The following BMP2K variants were observed in gnomAD, a reference collection of about 807,000 sequenced individuals.
BMP2K encodes BMP-2-inducible protein kinase.
In BMP2K, 74 loss-of-function variants were observed where a neutral mutation model predicts 116.0. That is an observed-to-expected ratio of 0.64 (90% confidence interval 0.53 to 0.77). BMP2K has a LOEUF of 0.77. Among genes scored for constraint, BMP2K ranks in the 30% least tolerant of loss-of-function variants. The pLI is 0.00. For synonymous variants in BMP2K, 486 were observed against 502.5 expected (o/e 0.97, Z 0.44); for missense variants, 1,365 against 1,403.6 (o/e 0.97, Z 0.44).
At chr4:78,886,235 G>A (rs990739083) in intron 14 of BMP2K, among the ~76,000 whole-genome samples, 1 of 152,120 alleles carries the variant, frequency 6.6e-6, no homozygotes, top group African/African-American at 2.4e-5. Flanking sequence ...AAAACACACC[G>A]GGCCTCTTGC....
intron 1 of BMP2K, among the ~76,000 whole-genome samples, chr4:78,825,485 C>T (rs547568971): frequency 6.6e-6 from 1 of 152,334 alleles, no homozygotes; most frequent in East Asian, 1.9e-4. Context: ...TCATTCCCTG[C>T]AACTCGGGCT....
intron 8 of BMP2K, 108 bp downstream of exon 8, chr4:78,859,795 G>A (rs1174443599): frequency 2.8e-6 from 2 of 716,920 alleles, no homozygotes; most frequent in Non-Finnish European, 4.5e-6. Context: ...AAAACTCAGA[G>A]TTTCTTGTTT....
chr4:78,829,982 C>G (rs1361897014), intron 2 of BMP2K, among the ~76,000 whole-genome samples: 1 of 151,920 alleles, frequency 6.6e-6, no homozygotes, highest in Non-Finnish European at 1.5e-5. Flanking sequence ...TCAAGTGATT[C>G]TAATGCCCCA....
At chr4:78,866,720 G>A (rs1361309957) in intron 10 of BMP2K, among the ~76,000 whole-genome samples, 5 of 152,020 alleles carry the variant, frequency 3.3e-5, no homozygotes, top group East Asian at 1.9e-4. Context: ...GCACGATCTC[G>A]GCTCACTGCA....
intron 1 of BMP2K, among the ~76,000 whole-genome samples, chr4:78,787,948 C>T (rs1307440804): frequency 6.6e-6 from 1 of 151,968 alleles, no homozygotes; most frequent in Non-Finnish European, 1.5e-5. Flanking sequence ...GTTAGGGCTG[C>T]CTGGAGCTTT....
intron 12 of BMP2K, chr4:78,872,321 TTTTTTTTTA>T (rs1483398673): frequency 0.046 from 10,563 of 228,456 alleles, 1,402 homozygotes; most frequent in African/African-American, 0.3. Flanking sequence ...TTTTTTTTTT[TTTTTTTTTA>T]ACAGCAACCA....
intron 1 of BMP2K, 42 bp downstream of exon 1, chr4:78,776,763 G>C (rs1727268630): frequency 8.0e-7 from 1 of 1,242,636 alleles, no homozygotes; most frequent in African/African-American, 1.5e-5. Flanking sequence ...GGTGAGGGAG[G>C]GTTGGGGTGT....
chr4:78,832,691 T>G (rs926298595), intron 2 of BMP2K, among the ~76,000 whole-genome samples: 1 of 152,064 alleles, frequency 6.6e-6, no homozygotes, highest in Admixed American at 6.5e-5. Context: ...TTTTGAGAGA[T>G]ATGATGTATA....
At chr4:78,884,575 G>C (rs991747317) in intron 14 of BMP2K, among the ~76,000 whole-genome samples, 2 of 152,108 alleles carry the variant, frequency 1.3e-5, no homozygotes, top group Non-Finnish European at 2.9e-5. Flanking sequence ...ATATTGACAT[G>C]CTGTAGTTAT....
intron 7 of BMP2K, among the ~76,000 whole-genome samples, chr4:78,855,834 G>A (rs1004211301): frequency 2.6e-5 from 4 of 152,192 alleles, no homozygotes; most frequent in South Asian, 4.2e-4. Context: ...TTATTTCTTC[G>A]TGGCTAAGTT....
chr4:78,896,264 T>A (rs988950030), intron 15 of BMP2K, among the ~76,000 whole-genome samples: 4 of 152,238 alleles, frequency 2.6e-5, no homozygotes, highest in Admixed American at 1.3e-4. Flanking sequence ...GGCAGTTTTT[T>A]ATACAAATGC....
chr4:78,793,350 C>T (rs1728098547), intron 1 of BMP2K, among the ~76,000 whole-genome samples: 1 of 146,804 alleles, frequency 6.8e-6, no homozygotes, highest in South Asian at 2.1e-4. Context: ...GTGGAGCTTG[C>T]AGTGAGCTGA....
chr4:78,811,850 C>T (rs1287120673), intron 1 of BMP2K, among the ~76,000 whole-genome samples: 3 of 152,200 alleles, frequency 2.0e-5, no homozygotes, highest in African/African-American at 7.2e-5. Context: ...TTCCCTCCTC[C>T]ATCAAAAACT....
In BMP2K at chr4:78,783,061, T is replaced by C. The variant is rs189814051; in HGVS notation, c.178+6340T>C. ...TAAGTTCCGATTTGGTTATACGCTT[T>C]CAGTGAAATCTGATTTGGAAATTAT... On this transcript the variant is annotated intron_variant, in intron 1 of 15. Coordinates refer to ENST00000502613, the MANE Select transcript of BMP2K (RefSeq NM_198892.2). Among the ~76,000 whole-genome samples the C allele has an allele frequency of 3.3e-5, 5 of 152,362 alleles. No individual in the cohort carries two copies. In the East Asian group the frequency reaches 9.6e-4, roughly 29 times the overall value.
At chr4:78,868,468 A>C (rs1398728133) in intron 10 of BMP2K, among the ~76,000 whole-genome samples, 2 of 152,170 alleles carry the variant, frequency 1.3e-5, no homozygotes, top group African/African-American at 4.8e-5. Context: ...TGACCCCTCC[A>C]AATCTCATGT....
At chr4:78,799,521 G>A (rs897783451) in intron 1 of BMP2K, among the ~76,000 whole-genome samples, 9 of 152,160 alleles carry the variant, frequency 5.9e-5, no homozygotes, top group African/African-American at 1.9e-4. Context: ...ATAAGAATTT[G>A]TGTTTTTAGC....
At chr4:78,836,947 A>G (rs1470753561) in intron 3 of BMP2K, among the ~76,000 whole-genome samples, 3 of 152,184 alleles carry the variant, frequency 2.0e-5, no homozygotes, top group Admixed American at 6.5e-5. Flanking sequence ...TTCAAGATAT[A>G]CGTGCCTTAC....
chr4:78,790,325 A>G (rs189809522), intron 1 of BMP2K, among the ~76,000 whole-genome samples: 35 of 152,354 alleles, frequency 2.3e-4, no homozygotes, highest in African/African-American at 6.0e-4. Context: ...TTGAAAAGCA[A>G]CTAGGATTTA....
intron 14 of BMP2K, 39 bp from the exon 15 acceptor site, chr4:78,887,135 T>G (rs1026762286): frequency 3.7e-6 from 5 of 1,337,222 alleles, no homozygotes; most frequent in Admixed American, 2.2e-5. Flanking sequence ...CATTTTTATT[T>G]CATTTCATTT....
Sources: gnomAD v4.1 joint callset for allele counts (sites outside exome capture counted in the v4.1 genomes callset) on GRCh38, gnomAD v4.1.1 for gene constraint, MANE v1.5 for transcripts, NCBI Gene and HGNC (gene_info 2026-07-23, HGNC 2026-07-21) for gene names.